CNTN6: variants seen among roughly 807,000 people sequenced by gnomAD.
CNTN6 encodes contactin 6.
A neutral mutation model predicts 122.8 loss-of-function variants in CNTN6; 137 were observed. The observed-to-expected ratio is 1.12, with a 90% CI of 0.97 to 1.29. The LOEUF is 1.29. Ranked by LOEUF, CNTN6 falls within the 50% of genes most tolerant of loss-of-function variation. The probability of loss-of-function intolerance (pLI) is 0.00; values close to 1 mark genes in which losing one functional copy is unlikely to be tolerated. For synonymous variants in CNTN6, 570 were observed against 426.0 expected, an observed-to-expected ratio of 1.34 and a Z score of -4.16; for missense variants, 1,634 against 1,223.4, an observed-to-expected ratio of 1.34 and a Z score of -5.01.
chr3:1,274,850 G>A (rs897848096), intron 4 of CNTN6, among the ~76,000 whole-genome samples: 1 of 151,956 alleles, frequency 6.6e-6, no homozygotes, highest in African/African-American at 2.4e-5. Context: ...AATATTCTAG[G>A]CTTCAGTCAA....
intron 11 of CNTN6, among the ~76,000 whole-genome samples, chr3:1,348,940 T>G (rs1705195991): frequency 6.6e-6 from 1 of 152,056 alleles, no homozygotes; most frequent in Non-Finnish European, 1.5e-5. Flanking sequence ...TCCATAAATT[T>G]ATAACAATGA....
chr3:1,295,882 T>G lies in CNTN6; in HGVS notation c.658+78T>G, dbSNP rs370134234. ...TGGGAAGATTCGTAAAGCTTTCTGC[T>G]TCCTTCTTGTTTGGTGGAGCCAAAT... On this transcript the variant is annotated intron_variant, in intron 6 of 22. Transcript: ENST00000446702. The G allele has an allele frequency of 6.0e-6, 8 of 1,322,732 alleles. No homozygotes were observed. The African/African-American group carries it at 1.2e-4, about 19-fold the overall frequency. 81.9% of individuals were successfully genotyped at this position (1,322,732 alleles called of 1,614,324 possible). A position where few individuals can be genotyped will look rare whatever the true frequency, so the allele number is the denominator to read the frequency against.
intron 1 of CNTN6, among the ~76,000 whole-genome samples, chr3:1,101,783 G>C (rs2090910777): frequency 6.6e-6 from 1 of 152,158 alleles, no homozygotes; most frequent in African/African-American, 2.4e-5. Context: ...CTAGAATTTA[G>C]TTAGAAAAGC....
chr3:1,359,972 C>T (rs1053957166), intron 12 of CNTN6, among the ~76,000 whole-genome samples: 1 of 152,070 alleles, frequency 6.6e-6, no homozygotes, highest in African/African-American at 2.4e-5. Context: ...TCAATATCAG[C>T]CTGCCCTGTG....
chr3:1,299,661 A>T (rs539608547), intron 7 of CNTN6, among the ~76,000 whole-genome samples: 1 of 152,334 alleles, frequency 6.6e-6, no homozygotes, highest in East Asian at 1.9e-4. Flanking sequence ...ATTCAGAGGA[A>T]GCAAGCAATT....
At chr3:1,365,172 G>T (rs1021136230) in intron 12 of CNTN6, among the ~76,000 whole-genome samples, 4 of 151,952 alleles carry the variant, frequency 2.6e-5, no homozygotes, top group Non-Finnish European at 5.9e-5. Context: ...AGAGTCAATA[G>T]AAGGCAACTC....
intron 4 of CNTN6, among the ~76,000 whole-genome samples, chr3:1,257,722 G>A (rs11718299): frequency 0.31 from 47,736 of 152,012 alleles, 9,539 homozygotes; most frequent in East Asian, 0.68. Flanking sequence ...CTCCCGGCAG[G>A]GTAGAACACT....
In CNTN6 at chr3:1,382,989, C is replaced by G. The variant is rs761145515; in HGVS notation, c.2214C>G (p.Ile738Met). 6.2e-7 allele frequency: 1 copy of G among 1,614,070 alleles called. No individual in the cohort carries two copies. The highest frequency in any genetic ancestry group is 8.5e-7 in the Non-Finnish European group (1 of 1,179,948). Residue 738 changes from isoleucine (I) to methionine (M), a missense_variant, in exon 18 of 23, where the codon ATC becomes ATG. Coordinates refer to ENST00000446702, the MANE Select transcript of CNTN6 (RefSeq NM_001289080.2). ...ATGGGGAGGGATTTGGATATATCAT[C>G]ATGTTCCGGCCAGTGGGCTCGACAA... ...LQNGEGFGYI[I>M]MFRPVGSTTW...
intron 5 of CNTN6, among the ~76,000 whole-genome samples, chr3:1,280,592 G>C (rs891848057): frequency 6.7e-6 from 1 of 149,276 alleles, no homozygotes; most frequent in African/African-American, 2.5e-5. Context: ...AGCCTACTGA[G>C]TAGCTGGGAT....
At chr3:1,242,453 G>A (rs2094498825) in intron 4 of CNTN6, among the ~76,000 whole-genome samples, 1 of 152,090 alleles carries the variant, frequency 6.6e-6, no homozygotes, top group Admixed American at 6.6e-5. Context: ...TAAAATGGGG[G>A]AATTGTAAGG....
intron 2 of CNTN6, among the ~76,000 whole-genome samples, chr3:1,212,594 A>C (rs189190273): frequency 6.6e-6 from 1 of 151,898 alleles, no homozygotes; most frequent in East Asian, 1.9e-4. Context: ...TCTTCAATAC[A>C]ATTACTCACT....
chr3:1,389,239 A>T (rs1693708278), intron 20 of CNTN6, among the ~76,000 whole-genome samples: 1 of 152,072 alleles, frequency 6.6e-6, no homozygotes, highest in Non-Finnish European at 1.5e-5. Context: ...ACAAGCCAGA[A>T]GAGAGTGGGG....
At chr3:1,210,384 G>T (rs1230728116) in intron 2 of CNTN6, among the ~76,000 whole-genome samples, 2 of 151,246 alleles carry the variant, frequency 1.3e-5, no homozygotes, top group East Asian at 1.9e-4. Context: ...AAGAAAGAAG[G>T]GAAGTGAAGG....
chr3:1,246,948 G>A (rs1021752484), intron 4 of CNTN6, among the ~76,000 whole-genome samples: 5 of 152,052 alleles, frequency 3.3e-5, no homozygotes, highest in Non-Finnish European at 7.4e-5. Flanking sequence ...GTAGGAAACC[G>A]CTTCTACTGT....
At chr3:1,164,614 A>G (rs1341264897) in intron 2 of CNTN6, among the ~76,000 whole-genome samples, 1 of 152,208 alleles carries the variant, frequency 6.6e-6, no homozygotes, top group Non-Finnish European at 1.5e-5. Context: ...TATAGTTTTC[A>G]TGTAGAATGT....
intron 12 of CNTN6, among the ~76,000 whole-genome samples, chr3:1,366,465 T>G (rs913601671): frequency 6.6e-6 from 1 of 152,146 alleles, no homozygotes; most frequent in Non-Finnish European, 1.5e-5. Flanking sequence ...GAGTAGAATA[T>G]AGGATCTGAG....
At position 1,401,415 on chromosome 3, in the gene CNTN6, T is replaced by G. The variant is rs754724467; in HGVS notation, c.2705-18T>G. Reference sequence around the variant, plus strand: ...AGCTAATTAACATTCATTTGGATCTTTGATTATCTCTTTAAAGCTCCAAGC... The same window carrying G: ...AGCTAATTAACATTCATTTGGATCTGTGATTATCTCTTTAAAGCTCCAAGC... On this transcript the variant is annotated intron_variant, in intron 20 of 22. Coordinates refer to ENST00000446702, the MANE Select transcript of CNTN6 (RefSeq NM_001289080.2). The G allele has an allele frequency of 1.9e-6, 3 of 1,594,642 alleles. No individual in the cohort carries two copies. Among genetic ancestry groups the G allele is most frequent in the Non-Finnish European group, 2.6e-6 (3 of 1,163,770 alleles).
intron 11 of CNTN6, 37 bp downstream of exon 11, chr3:1,329,972 G>C (rs1166560225): frequency 1.1e-5 from 16 of 1,462,004 alleles, no homozygotes; most frequent in Non-Finnish European, 1.4e-5. Flanking sequence ...ATTTTTGTTT[G>C]TAATATAACA....
At position 1,402,459 on chromosome 3, in the gene CNTN6, G is replaced by A. The variant is rs749880209; in HGVS notation, c.2959G>A (p.Glu987Lys). 6.2e-7 allele frequency: 1 copy of A among 1,609,968 alleles called. No individual in the cohort carries two copies. The highest frequency in any genetic ancestry group is 1.1e-5 in the South Asian group (1 of 90,722). ...VSDGGDGSSS[E>K]EIRIPKMSSL... is the part of the protein sequence containing the mutation. ...TGATGGTGGAGATGGAAGCAGCAGT[G>A]AGGAAATTAGGATTCCAAAAATGTC... Residue 987 changes from glutamate to lysine, a missense_variant, in exon 22 of 23, where the codon GAG (glutamate) becomes AAG (lysine). Coordinates refer to ENST00000446702, the MANE Select transcript of CNTN6 (RefSeq NM_001289080.2).
Sources: gnomAD v4.1 joint callset for allele counts (sites outside exome capture counted in the v4.1 genomes callset) on GRCh38, gnomAD v4.1.1 for gene constraint, MANE v1.5 for transcripts, NCBI Gene and HGNC (gene_info 2026-07-23, HGNC 2026-07-21) for gene names.